VASH2: variants seen among roughly 807,000 people sequenced by gnomAD.
The protein encoded by VASH2 is vasohibin 2.
In VASH2, 28 loss-of-function variants were observed where a neutral mutation model predicts 37.2. The observed-to-expected ratio is 0.75, with a 90% CI of 0.56 to 1.03. VASH2 has a LOEUF of 1.03. VASH2 is among the 50% of genes least tolerant of loss of function. The pLI, the probability that VASH2 is intolerant of heterozygous loss-of-function variation, is 0.00. For missense variants in VASH2, 419 were observed against 459.1 expected (o/e 0.91, Z 0.80); for synonymous variants, 188 against 174.7 (o/e 1.08, Z -0.60).
chr1:212,965,627 C>T, intron 3 of VASH2, 95 bp from the exon 4 acceptor site: 1 of 1,184,150 alleles, frequency 8.4e-7, no homozygotes, highest in Non-Finnish European at 1.2e-6. Flanking sequence ...CTCACATCCT[C>T]ATCTCATTGA....
At chr1:212,980,244 G>A (rs553062922) in intron 7 of VASH2, among the ~76,000 whole-genome samples, 1 of 152,306 alleles carries the variant, frequency 6.6e-6, no homozygotes, top group Non-Finnish European at 1.5e-5. Flanking sequence ...CTGGCCCTGG[G>A]TGAATTGGAG....
Position 212,966,070 on chromosome 1 carries a change from G to A in VASH2, c.423-201G>A, listed in dbSNP as rs1165637841. The A allele has an allele frequency of 1.7e-5, 10 of 604,888 alleles. No homozygotes were observed. The Middle Eastern group carries it at 1.2e-3, about 75-fold the overall frequency. 37.5% of individuals were successfully genotyped at this position (604,888 alleles called of 1,614,324 possible). A position where few individuals can be genotyped will look rare whatever the true frequency, so the allele number is the denominator to read the frequency against. On this transcript the variant is annotated intron_variant, in intron 4 of 7. Transcript: ENST00000517399. ...TAATGCCCCCGTGCTGGGGCATTGG[G>A]AGGGTGCTATGGAGTACTGGCACTA...
chr1:212,968,411 G>A (rs1666911872), intron 5 of VASH2: 1 of 985,376 alleles, frequency 1.0e-6, no homozygotes, highest in African/African-American at 1.7e-5. Flanking sequence ...TTAGACTGGG[G>A]ACAGGAGGAT....
At chr1:212,979,803 A>T (rs1473297527) in intron 7 of VASH2, among the ~76,000 whole-genome samples, 1 of 152,170 alleles carries the variant, frequency 6.6e-6, no homozygotes, top group Non-Finnish European at 1.5e-5. Context: ...TAAAGCACCT[A>T]CTACACTGAA....
At position 212,967,383 on chromosome 1, in the gene VASH2, C is replaced by A. The variant is rs1278025883; in HGVS notation, c.497+1038C>A. On this transcript the variant is annotated intron_variant, in intron 5 of 7. Transcript: ENST00000517399. ...GCCTTTGAGCCTGATCTGCCACAAT[C>A]AGATAGAAGAGCAAAGATGCTCCGA... 5.0e-6 allele frequency: 6 copies of A among 1,198,788 alleles called. No individual in the cohort carries two copies. The African/African-American group carries it at 9.6e-5, about 19-fold the overall frequency. The allele number at this position is 1,198,788 out of a possible 1,614,324, so 74.3% of individuals were successfully genotyped here. A position where few individuals can be genotyped will look rare whatever the true frequency, so the allele number is the denominator to read the frequency against.
chr1:212,969,270 G>A (rs954309871), intron 5 of VASH2: 22 of 852,412 alleles, frequency 2.6e-5, no homozygotes, highest in Non-Finnish European at 2.9e-5. Context: ...TCAGCTCACT[G>A]CAAGCTCTGC....
At chr1:212,953,706 G>A (rs539480077) in intron 2 of VASH2, among the ~76,000 whole-genome samples, 5 of 152,236 alleles carry the variant, frequency 3.3e-5, no homozygotes, top group African/African-American at 1.2e-4. Context: ...AATGGGAATA[G>A]ACCAGACTTT....
chr1:212,969,275 C>G, intron 5 of VASH2: 1 of 834,610 alleles, frequency 1.2e-6, no homozygotes, highest in Non-Finnish European at 1.4e-6. Context: ...TCACTGCAAG[C>G]TCTGCCTCCC....
chr1:212,978,702 T>G (rs1471855784), intron 7 of VASH2, among the ~76,000 whole-genome samples: 5 of 152,080 alleles, frequency 3.3e-5, no homozygotes, highest in African/African-American at 4.8e-5. Context: ...GTCTTTGCGG[T>G]TTTTTTTCCC....
chr1:212,986,480 C>T (rs1193806870), intron 7 of VASH2, among the ~76,000 whole-genome samples: 2 of 152,292 alleles, frequency 1.3e-5, no homozygotes, highest in East Asian at 3.9e-4. Flanking sequence ...CTCTTTAAAC[C>T]TGACTTGTGT....
At chr1:212,970,898 G>GAAAAAA (rs111890314) in intron 5 of VASH2, among the ~76,000 whole-genome samples, 94 of 143,534 alleles carry the variant, frequency 6.5e-4, no homozygotes, top group African/African-American at 2.4e-3. Context: ...TCAAAAAAAT[G>GAAAAAA]AAAAAAAAAA....
rs2075852644 is a variant in VASH2, at chr1:212,990,929, A to G, written c.*2345A>G. 6.6e-6 allele frequency: 1 copy of G among 152,206 alleles called. No homozygotes were observed. The highest frequency in any genetic ancestry group is 2.4e-5 in the African/African-American group (1 of 41,452). 9.4% of individuals were successfully genotyped at this position (152,206 alleles called of 1,614,324 possible). On this transcript the variant is annotated 3_prime_UTR_variant, in exon 8 of 8. Transcript: ENST00000517399. ...TAAAAAACAAAAAACAAAACAAAACAAAAAACATGTTATATGCACCCCCCT... is the reference window on the plus strand; with the variant it reads ...TAAAAAACAAAAAACAAAACAAAACGAAAAACATGTTATATGCACCCCCCT...
At chr1:212,985,129 C>G (rs1297142001) in intron 7 of VASH2, among the ~76,000 whole-genome samples, 1 of 151,808 alleles carries the variant, frequency 6.6e-6, no homozygotes, top group Non-Finnish European at 1.5e-5. Flanking sequence ...TCAAGCGATC[C>G]TCCCATCTCA....
rs1354622745 is a variant in VASH2, at chr1:212,988,992, CAGAA to C, written c.*411_*414del. 6.1e-6 allele frequency: 1 copy of C among 163,042 alleles called. No homozygotes were observed. The highest frequency in any genetic ancestry group is 1.4e-5 in the Non-Finnish European group (1 of 73,546). The allele number at this position is 163,042 out of a possible 1,614,324, so 10.1% of individuals were successfully genotyped here. ...GTATTACTGTCTTTTTCAGCAATAA[CAGAA>C]AGCAAAAATGGGTGGGTTTTTTTTA... On this transcript the variant is annotated 3_prime_UTR_variant, in exon 8 of 8. Transcript: ENST00000517399.
At chr1:212,972,544 G>C in intron 5 of VASH2, 36 bp from the exon 6 acceptor site, 1 of 1,589,814 alleles carries the variant, frequency 6.3e-7, no homozygotes, top group Non-Finnish European at 8.5e-7. Context: ...AAATTTTCAA[G>C]GCCTCCTTTC....
chr1:212,972,681 G>A lies in VASH2; in HGVS notation c.599G>A (p.Cys200Tyr), dbSNP rs1667043809. The part of the protein sequence containing the change: ...YFHHVVLGIY[C>Y]NGRYGSLGMS... ...CACCACGTTGTGCTGGGGATTTACTGCAATGGCCGCTATGGCTCATTGGGC... is the reference window on the plus strand; with the variant it reads ...CACCACGTTGTGCTGGGGATTTACTACAATGGCCGCTATGGCTCATTGGGC... Residue 200 changes from cysteine to tyrosine, a missense_variant, in exon 6 of 8, where the codon TGC becomes TAC. By Grantham distance (194) the Cys-to-Tyr change is radical. Coordinates refer to ENST00000517399, the MANE Select transcript of VASH2 (RefSeq NM_001301056.2). The A allele has an allele frequency of 1.9e-6, 3 of 1,614,206 alleles. No homozygotes were observed. Among genetic ancestry groups the A allele is most frequent in the Non-Finnish European group, 2.5e-6 (3 of 1,180,038 alleles).
intron 7 of VASH2, among the ~76,000 whole-genome samples, chr1:212,979,307 T>G (rs980057860): frequency 1.3e-5 from 2 of 152,186 alleles, no homozygotes; most frequent in Non-Finnish European, 2.9e-5. Flanking sequence ...ACCCAATCAC[T>G]CCACAAACTC....
At chr1:212,961,951 T>A (rs1666692898) in intron 3 of VASH2, among the ~76,000 whole-genome samples, 1 of 152,194 alleles carries the variant, frequency 6.6e-6, no homozygotes, top group South Asian at 2.1e-4. Flanking sequence ...GTTTTCTCTT[T>A]CTCTGTTTTG....
rs1433956485 is a variant in VASH2, at chr1:212,991,517, T to C, written c.*2933T>C. Reference sequence around the variant, plus strand: ...CCAGTAAGTGCATGTTTCAAGTTAATGTTTTTCTCATCACTTGTATGTTTC... The same window carrying C: ...CCAGTAAGTGCATGTTTCAAGTTAACGTTTTTCTCATCACTTGTATGTTTC... On this transcript the variant is annotated 3_prime_UTR_variant, in exon 8 of 8. Coordinates refer to ENST00000517399, the MANE Select transcript of VASH2 (RefSeq NM_001301056.2). 3.3e-5 allele frequency: 5 copies of C among 152,248 alleles called. No homozygotes were observed. In the East Asian group the frequency reaches 9.6e-4, roughly 29 times the overall value. 9.4% of individuals were successfully genotyped at this position (152,248 alleles called of 1,614,324 possible).
Sources: gnomAD v4.1 joint callset for allele counts (sites outside exome capture counted in the v4.1 genomes callset) on GRCh38, gnomAD v4.1.1 for gene constraint, MANE v1.5 for transcripts, NCBI Gene and HGNC (gene_info 2026-07-23, HGNC 2026-07-21) for gene names.